Variants in CEP15 observed in about 807,000 individuals in gnomAD.
CEP15 encodes the protein centrosomal protein 15 kDa.
chr3:62,325,531 G>T, the CEP15 span, among the ~76,000 whole-genome samples: 1 of 152,178 alleles, frequency 6.6e-6, no homozygotes, highest in Non-Finnish European at 1.5e-5. Flanking sequence ...TATCATAAAA[G>T]ATAGTGAACT....
the CEP15 span, among the ~76,000 whole-genome samples, chr3:62,333,046 T>C: frequency 5.3e-5 from 8 of 152,116 alleles, no homozygotes; most frequent in Non-Finnish European, 8.8e-5. The surrounding 1 kb of genome is among the most constrained non-coding windows in gnomAD (Gnocchi z 4.0). Flanking sequence ...TACTGAGAAA[T>C]TTGAAAATTA....
chr3:62,329,846 G>A, the CEP15 span, among the ~76,000 whole-genome samples: 59 of 152,152 alleles, frequency 3.9e-4, no homozygotes, highest in Non-Finnish European at 1.6e-4. Context: ...AATTGGACTT[G>A]TGATTATTTT....
At chr3:62,331,542 A>G in the CEP15 span, 2 of 674,300 alleles carry the variant, frequency 3.0e-6, no homozygotes, top group Non-Finnish European at 5.1e-6. Context: ...TGAGCTTTTT[A>G]TGTCCACAGT....
At chr3:62,328,573 A>G in the CEP15 span, among the ~76,000 whole-genome samples, 1 of 152,194 alleles carries the variant, frequency 6.6e-6, no homozygotes, top group Non-Finnish European at 1.5e-5. Context: ...TTCTAGTGGC[A>G]AGTCTATAAG....
the CEP15 span, among the ~76,000 whole-genome samples, chr3:62,328,837 G>T: frequency 6.6e-6 from 1 of 151,910 alleles, no homozygotes; most frequent in Admixed American, 6.6e-5. Flanking sequence ...TCAAAGGAAA[G>T]GTTCTTATAT....
chr3:62,324,978 T>C, the CEP15 span, among the ~76,000 whole-genome samples: 1 of 152,168 alleles, frequency 6.6e-6, no homozygotes, highest in Admixed American at 6.6e-5. Context: ...AAAAGTAGTA[T>C]AATATGAGTT....
At chr3:62,327,369 T>C in the CEP15 span, among the ~76,000 whole-genome samples, 1 of 152,232 alleles carries the variant, frequency 6.6e-6, no homozygotes, top group Non-Finnish European at 1.5e-5. Flanking sequence ...TATCAAAAAT[T>C]CGTAATTAAA....
At chr3:62,329,947 C>A in the CEP15 span, among the ~76,000 whole-genome samples, 2 of 152,128 alleles carry the variant, frequency 1.3e-5, no homozygotes, top group South Asian at 4.1e-4. Context: ...TATTAGGCTT[C>A]TGTATCTGTC....
At chr3:62,333,250 TCCAGAC>T in the CEP15 span, 1 of 1,606,348 alleles carries the variant, frequency 6.2e-7, no homozygotes. The surrounding 1 kb of genome is among the most constrained non-coding windows in gnomAD (Gnocchi z 4.0). Context: ...GATTTTTTTT[TCCAGAC>T]TCGTTACTGG....
At chr3:62,329,136 G>A in the CEP15 span, among the ~76,000 whole-genome samples, 5 of 152,026 alleles carry the variant, frequency 3.3e-5, no homozygotes, top group Non-Finnish European at 7.4e-5. Flanking sequence ...TAAGGCCATA[G>A]CATTGGGAAT....
the CEP15 span, among the ~76,000 whole-genome samples, chr3:62,324,406 GA>G: frequency 6.6e-6 from 1 of 151,934 alleles, no homozygotes; most frequent in African/African-American, 2.4e-5. Context: ...TGTGTCTGGG[GA>G]AAAATAAATA....
the CEP15 span, among the ~76,000 whole-genome samples, chr3:62,332,838 T>A: frequency 6.6e-6 from 1 of 152,126 alleles, no homozygotes; most frequent in Non-Finnish European, 1.5e-5. Flanking sequence ...GAAGCATGAT[T>A]TATGTTTGAT....
chr3:62,333,021 G>C, the CEP15 span, among the ~76,000 whole-genome samples: 1 of 152,188 alleles, frequency 6.6e-6, no homozygotes, highest in East Asian at 1.9e-4. This position sits in a 1 kb window ranked among gnomAD's most constrained non-coding sequence, Gnocchi z 4.0. Context: ...CTGTAATTCT[G>C]CCAGGCTCTG....
chr3:62,324,622 A>G, the CEP15 span, among the ~76,000 whole-genome samples: 19 of 152,292 alleles, frequency 1.2e-4, no homozygotes, highest in Admixed American at 8.5e-4. Flanking sequence ...AGCAATTGTG[A>G]AAACCACTGA....
the CEP15 span, chr3:62,321,805 T>A: frequency 9.0e-6 from 6 of 668,244 alleles, no homozygotes; most frequent in Non-Finnish European, 1.2e-5. This position sits in a 1 kb window ranked among gnomAD's most constrained non-coding sequence, Gnocchi z 4.1. Flanking sequence ...ACATAGTAAT[T>A]GACTTTCAGA....
the CEP15 span, among the ~76,000 whole-genome samples, chr3:62,324,564 C>G: frequency 1.3e-5 from 2 of 152,164 alleles, no homozygotes; most frequent in African/African-American, 4.8e-5. Context: ...TGCTTTGGGT[C>G]AAAGCCTCAC....
the CEP15 span, chr3:62,334,610 A>G: frequency 2.6e-5 from 4 of 152,192 alleles, no homozygotes; most frequent in East Asian, 1.9e-4. The surrounding 1 kb of genome is among the most constrained non-coding windows in gnomAD (Gnocchi z 4.9). Context: ...AATTTCATCT[A>G]TAGTGTCACA....
the CEP15 span, among the ~76,000 whole-genome samples, chr3:62,325,020 T>A: frequency 4.1e-4 from 62 of 152,160 alleles, no homozygotes; most frequent in Non-Finnish European, 7.6e-4. Flanking sequence ...GATACAAAAA[T>A]CAATAGTAAT....
At chr3:62,325,914 C>T in the CEP15 span, among the ~76,000 whole-genome samples, 1 of 151,600 alleles carries the variant, frequency 6.6e-6, no homozygotes, top group African/African-American at 2.4e-5. Context: ...GTCCCAGCTA[C>T]TCTGGAAGCT....
Sources: gnomAD v4.1 joint callset for allele counts (sites outside exome capture counted in the v4.1 genomes callset) on GRCh38, gnomAD v4.1.1 for gene constraint, Gnocchi (gnomAD v3.1) non-coding constraint, MANE v1.5 for transcripts, NCBI Gene and HGNC (gene_info 2026-07-23, HGNC 2026-07-21) for gene names.